The following ZNF723 variants were observed in gnomAD, a reference collection of about 807,000 sequenced individuals.
ZNF723 encodes the protein zinc finger protein 723.
A neutral mutation model predicts 9.4 loss-of-function variants in ZNF723; 5 were observed. That is an observed-to-expected ratio of 0.53 (90% confidence interval 0.28 to 1.12). The LOEUF is 1.12. Among genes scored for constraint, ZNF723 ranks in the 50% most tolerant of loss-of-function variants. ZNF723 has a pLI of 0.10. For synonymous variants in ZNF723, 158 were observed against 168.8 expected (o/e 0.94, Z 0.49); for missense variants, 450 against 501.5 (o/e 0.90, Z 0.98).
Position 22,832,366 on chromosome 19 carries a change from C to T in ZNF723, c.-14C>T. 7.2e-7 allele frequency: 1 copy of T among 1,380,914 alleles called. No homozygotes were observed. The highest frequency in any genetic ancestry group is 1.2e-5 in the South Asian group (1 of 86,774). 85.5% of individuals were successfully genotyped at this position (1,380,914 alleles called of 1,614,324 possible). Reference sequence around the variant, plus strand: ...TCCACAGCTAAGACGCCAGGACTCCCTGGAAGCCTAGAAATGGTGAGAGTA... The same window carrying T: ...TCCACAGCTAAGACGCCAGGACTCCTTGGAAGCCTAGAAATGGTGAGAGTA... On this transcript the variant is annotated 5_prime_UTR_variant, in exon 1 of 4. Transcript: ENST00000600766.
At chr19:22,855,317 C>T (rs1441039738) in intron 3 of ZNF723, among the ~76,000 whole-genome samples, 2 of 151,484 alleles carry the variant, frequency 1.3e-5, no homozygotes, top group African/African-American at 4.9e-5. Flanking sequence ...CAACCTCCAC[C>T]TCCCGGGTTC....
chr19:22,825,586 T>C, the ZNF723 span, among the ~76,000 whole-genome samples: 3 of 151,970 alleles, frequency 2.0e-5, no homozygotes, highest in African/African-American at 7.2e-5. Context: ...CCCAGCACAT[T>C]AGTGATGTGA....
In ZNF723 at chr19:22,853,670, C is replaced by G. The variant is rs1452402944; in HGVS notation, c.227-3448C>G. ...ACAGAGCCTTGCTCTGTCACCCAGG[C>G]TGGAGTGCAATGGCCTGATCTTGGC... On this transcript the variant is annotated intron_variant, in intron 3 of 3. Transcript: ENST00000600766. 2.6e-5 allele frequency among the ~76,000 whole-genome samples: 4 copies of G among 152,256 alleles called. No homozygotes were observed. In the East Asian group the frequency reaches 7.7e-4, roughly 29 times the overall value.
chr19:22,814,500 C>A, the ZNF723 span, among the ~76,000 whole-genome samples: 2 of 152,136 alleles, frequency 1.3e-5, no homozygotes, highest in African/African-American at 4.8e-5. Flanking sequence ...TGTTGACTCT[C>A]AAAGCAAGAT....
the ZNF723 span, among the ~76,000 whole-genome samples, chr19:22,812,363 C>T: frequency 5.3e-5 from 8 of 152,194 alleles, no homozygotes; most frequent in African/African-American, 1.9e-4. Flanking sequence ...TTGAATTTCA[C>T]ACGTGAATGC....
chr19:22,816,260 T>C, the ZNF723 span, among the ~76,000 whole-genome samples: 55,966 of 152,072 alleles, frequency 0.37, 10,729 homozygotes, highest in African/African-American at 0.5. Context: ...GTCATTCTTC[T>C]GGATAAACAC....
intron 1 of ZNF723, among the ~76,000 whole-genome samples, 157 bp from the exon 2 acceptor site, chr19:22,848,104 A>T (rs918258999): frequency 2.3e-5 from 2 of 85,654 alleles, no homozygotes; most frequent in African/African-American, 6.4e-5. Flanking sequence ...CTCTGTCTTA[A>T]AAAAAAAAAA....
At chr19:22,823,277 C>T in the ZNF723 span, among the ~76,000 whole-genome samples, 1 of 152,156 alleles carries the variant, frequency 6.6e-6, no homozygotes, top group Non-Finnish European at 1.5e-5. Flanking sequence ...GTATGCACGC[C>T]CAGTTCACAG....
At chr19:22,855,239 T>C (rs964241624) in intron 3 of ZNF723, among the ~76,000 whole-genome samples, 3 of 150,566 alleles carry the variant, frequency 2.0e-5, no homozygotes, top group East Asian at 1.9e-4. Context: ...TCTTTTTTTT[T>C]TTTTTTTGAG....
chr19:22,823,515 A>G, the ZNF723 span, among the ~76,000 whole-genome samples: 2 of 152,214 alleles, frequency 1.3e-5, no homozygotes, highest in Non-Finnish European at 2.9e-5. Flanking sequence ...TACTATTGAG[A>G]TTCTGACTCG....
At position 22,832,351 on chromosome 19, in the gene ZNF723, A is replaced by C; in HGVS notation, c.-29A>C. 1 of 1,381,808 alleles carries C rather than the reference A, an allele frequency of 7.2e-7. No individual in the cohort carries two copies. The highest frequency in any genetic ancestry group is 1.0e-6 in the Non-Finnish European group (1 of 987,310). The allele number at this position is 1,381,808 out of a possible 1,614,324, so 85.6% of individuals were successfully genotyped here. On this transcript the variant is annotated 5_prime_UTR_variant, in exon 1 of 4. The change abolishes the stop of an existing upstream ORF in the 5' untranslated region. Coordinates refer to ENST00000600766, the MANE Select transcript of ZNF723 (RefSeq NM_001349726.2). ...ACATGCATTGGGAGATCCACAGCTA[A>C]GACGCCAGGACTCCCTGGAAGCCTA...
intron 1 of ZNF723, chr19:22,840,736 G>A (rs1967233112): frequency 6.6e-6 from 1 of 152,188 alleles, no homozygotes; most frequent in South Asian, 2.1e-4. Flanking sequence ...ATCTGTGAAT[G>A]AGGTGGGCTG....
chr19:22,819,842 G>A, the ZNF723 span, among the ~76,000 whole-genome samples: 2 of 152,194 alleles, frequency 1.3e-5, no homozygotes, highest in African/African-American at 4.8e-5. Flanking sequence ...CAGCACCTAA[G>A]TGAAGTGATT....
chr19:22,826,171 A>C, the ZNF723 span, among the ~76,000 whole-genome samples: 1 of 152,212 alleles, frequency 6.6e-6, no homozygotes, highest in Non-Finnish European at 1.5e-5. Context: ...CACTAGGCCC[A>C]GCATTTAGGT....
At chr19:22,835,812 T>C (rs894410145) in intron 1 of ZNF723, among the ~76,000 whole-genome samples, 1 of 152,226 alleles carries the variant, frequency 6.6e-6, no homozygotes, top group African/African-American at 2.4e-5. Context: ...GTGATCTTGA[T>C]TTCTGATTTT....
chr19:22,829,307 A>G (rs757786257), upstream of ZNF723, among the ~76,000 whole-genome samples: 27 of 143,186 alleles, frequency 1.9e-4, no homozygotes, highest in Non-Finnish European at 3.6e-4. Flanking sequence ...TTTTTTTGAG[A>G]TGCCGTCTTG....
chr19:22,830,413 TC>T (rs1207174940), upstream of ZNF723, among the ~76,000 whole-genome samples: 4 of 152,146 alleles, frequency 2.6e-5, no homozygotes, highest in Non-Finnish European at 5.9e-5. Context: ...AGTGATTCTT[TC>T]AACTCAGCCT....
At chr19:22,837,837 T>C (rs768390222) in intron 1 of ZNF723, among the ~76,000 whole-genome samples, 1 of 152,070 alleles carries the variant, frequency 6.6e-6, no homozygotes, top group Non-Finnish European at 1.5e-5. Context: ...CCCACAAAAT[T>C]GTCTACAAAT....
chr19:22,848,207 G>T, intron 1 of ZNF723, 54 bp from the exon 2 acceptor site: 1 of 631,308 alleles, frequency 1.6e-6, no homozygotes, highest in Non-Finnish European at 2.6e-6. Context: ...TAAAAATTCT[G>T]CCGTTGGCCA....
Sources: allele counts gnomAD v4.1 joint callset (sites outside exome capture counted in the v4.1 genomes callset), GRCh38; gene constraint gnomAD v4.1.1; transcripts MANE v1.5; gene names NCBI Gene and HGNC (gene_info 2026-07-23, HGNC 2026-07-21).